Variants in SSTR4 observed in about 807,000 individuals in gnomAD.
SSTR4 encodes the protein somatostatin receptor 4.
For missense variants in SSTR4, 649 were observed against 540.6 expected (o/e 1.20, Z -1.99); for synonymous variants, 272 against 246.3 (o/e 1.10, Z -0.98).
rs759002787 is a variant in SSTR4, at chr20:23,036,323, G to C, written c.840G>C (p.Leu280=). The part of the protein sequence containing the change: ...LCWMPFYVVQ[L]LNLFVTSLDA... ...GGATGCCTTTCTACGTGGTGCAGCT[G>C]CTGAACCTCTTCGTGACCAGCCTTG... is the stretch of plus-strand genomic sequence containing the variant. Residue 280 remains leucine (L), a synonymous_variant, in exon 1 of 1, where the codon CTG becomes CTC. Transcript: ENST00000255008. The C allele has an allele frequency of 6.2e-7, 1 of 1,614,154 alleles. No individual in the cohort carries two copies. Among genetic ancestry groups the C allele is most frequent in the South Asian group, 1.1e-5 (1 of 91,090 alleles).
chr20:23,036,504 G>T lies in SSTR4; in HGVS notation c.1021G>T (p.Glu341Ter), dbSNP rs781186901. Residue 341 changes from glutamate to a stop codon, truncating the protein, a stop_gained, in exon 1 of 1, where the codon GAG (glutamate) becomes TAG (stop). Transcript: ENST00000255008. LOFTEE classifies it low-confidence loss of function (END_TRUNC). ...CLLEGAGGAE[E>*]EPLDYYATAL... ...CCTGGAAGGTGCTGGAGGTGCTGAG[G>T]AGGAGCCCCTGGACTACTATGCCAC... 6.2e-7 allele frequency: 1 copy of T among 1,613,960 alleles called. No individual in the cohort carries two copies. The highest frequency in any genetic ancestry group is 2.2e-5 in the East Asian group (1 of 44,876).
At position 23,036,561 on chromosome 20, in the gene SSTR4, A is replaced by T; in HGVS notation, c.1078A>T (p.Met360Leu). 1 of 1,610,614 alleles carries T rather than the reference A, an allele frequency of 6.2e-7. No homozygotes were observed. The change falls in exon 1 of 1, where the codon ATG (methionine) becomes TTG (leucine). Residue 360 changes from methionine to leucine, a missense_variant. Physicochemically the swap from Met to Leu is conservative, Grantham distance 15 (BLOSUM62 2). Transcript: ENST00000255008. Reference protein sequence around the residue: ...ALKSKGGAGCMCPPLPCQQEA... With the variant: ...ALKSKGGAGCLCPPLPCQQEA... ...CAAGAGCAAAGGTGGGGCAGGGTGC[A>T]TGTGCCCCCCACTCCCCTGCCAGCA... is the stretch of plus-strand genomic sequence containing the variant.
Position 23,037,907 on chromosome 20 carries a change from G to A in SSTR4, c.*1257G>A, listed in dbSNP as rs1018290852. On this transcript the variant is annotated 3_prime_UTR_variant, in exon 1 of 1. Coordinates refer to ENST00000255008, the MANE Select transcript of SSTR4 (RefSeq NM_001052.4). ...TATGGGGAAGATGGTGTGGGGAGGG[G>A]GAGAGACAGCCAAAGGTCAACACCC... is the stretch of plus-strand genomic sequence containing the variant. Among the ~76,000 whole-genome samples the A allele has an allele frequency of 6.6e-6, 1 of 152,116 alleles. No individual in the cohort carries two copies. Among genetic ancestry groups the A allele is most frequent in the Non-Finnish European group, 1.5e-5 (1 of 68,024 alleles).
At position 23,036,754 on chromosome 20, in the gene SSTR4, C is replaced by A; in HGVS notation, c.*104C>A. On this transcript the variant is annotated 3_prime_UTR_variant, in exon 1 of 1. Transcript: ENST00000255008. Reference sequence around the variant, plus strand: ...TCCTGAATGCTCACCTAAGCTCCACCACCTGTTCCTTCCAGCAGCCCATGT... The same window carrying A: ...TCCTGAATGCTCACCTAAGCTCCACAACCTGTTCCTTCCAGCAGCCCATGT... 7.6e-7 allele frequency: 1 copy of A among 1,315,460 alleles called. No individual in the cohort carries two copies. The highest frequency in any genetic ancestry group is 1.5e-5 in the South Asian group (1 of 68,706). 81.5% of individuals were successfully genotyped at this position (1,315,460 alleles called of 1,614,324 possible).
rs201559965 is a variant in SSTR4 at position 23,035,633 on chromosome 20, C to T, written c.150C>T (p.Ile50=). 4.4e-5 allele frequency: 68 copies of T among 1,544,758 alleles called. No individual in the cohort carries two copies. The highest frequency in any genetic ancestry group is 5.8e-5 in the Non-Finnish European group (67 of 1,148,820). Residue 50 remains isoleucine (I), a synonymous_variant, in exon 1 of 1, where the codon ATC becomes ATT. Coordinates refer to ENST00000255008, the MANE Select transcript of SSTR4 (RefSeq NM_001052.4). ...GDARAAGMVA[I]QCIYALVCLV... is the part of the protein sequence containing the mutation. ...CGCGGGCGGCGGGCATGGTCGCTAT[C>T]CAGTGCATCTACGCGCTGGTGTGCC...
In SSTR4 at chr20:23,035,648, G is replaced by C; in HGVS notation, c.165G>C (p.Ala55=). The C allele has an allele frequency of 6.5e-7, 1 of 1,540,314 alleles. No homozygotes were observed. The highest frequency in any genetic ancestry group is 8.7e-7 in the Non-Finnish European group (1 of 1,145,310). ...AGMVAIQCIY[A]LVCLVGLVGN... The stretch of plus-strand genomic sequence containing the variant: ...TGGTCGCTATCCAGTGCATCTACGC[G>C]CTGGTGTGCCTGGTGGGGCTGGTGG... Residue 55 remains alanine, a synonymous_variant, in exon 1 of 1, where the codon GCG becomes GCC. Coordinates refer to ENST00000255008, the MANE Select transcript of SSTR4 (RefSeq NM_001052.4).
chr20:23,036,059 C>T lies in SSTR4; in HGVS notation c.576C>T (p.Gly192=), dbSNP rs373361461. The change falls in exon 1 of 1, where the codon GGC becomes GGT. Residue 192 remains glycine, a synonymous_variant. Transcript: ENST00000255008. ...TCGCAGACACCAGACCGGCTCGCGG[C>T]GGCCAGGCCGTGGCCTGCAACCTGC... ...AIFADTRPAR[G]GQAVACNLQW... 51 of 1,579,060 alleles carry T rather than the reference C, an allele frequency of 3.2e-5. 1 individual carries two copies. In the African/African-American group the frequency reaches 4.3e-4, roughly 13 times the overall value.
rs1192079553 is a variant in SSTR4 at position 23,036,698 on chromosome 20, G to A, written c.*48G>A. ...TGCGTGGCCACCTCCCAAGGGGTGG[G>A]CACCATTCCTACAGCCCCGAAGACT... On this transcript the variant is annotated 3_prime_UTR_variant, in exon 1 of 1. Transcript: ENST00000255008. 6.6e-7 allele frequency: 1 copy of A among 1,507,572 alleles called. No homozygotes were observed. The highest frequency in any genetic ancestry group is 8.9e-7 in the Non-Finnish European group (1 of 1,125,702). The allele number at this position is 1,507,572 out of a possible 1,614,324, so 93.4% of individuals were successfully genotyped here.
At position 23,035,504 on chromosome 20, in the gene SSTR4, GC is replaced by G. The variant is rs1600403937; in HGVS notation, c.27del (p.Gly11AlafsTer61). 10 of 1,556,032 alleles carry G rather than the reference GC, an allele frequency of 6.4e-6. No individual in the cohort carries two copies. The highest frequency in any genetic ancestry group is 2.5e-5 in the East Asian group (1 of 39,748). On this transcript the variant is annotated frameshift_variant, in exon 1 of 1. Coordinates refer to ENST00000255008, the MANE Select transcript of SSTR4 (RefSeq NM_001052.4). LOFTEE classifies it low-confidence loss of function (END_TRUNC). ...TGGTCATGAGCGCCCCCTCGACGCTGCCCCCCGGGGGCGAGGAAGGGCTGGG... is the reference window on the plus strand; with the variant it reads ...TGGTCATGAGCGCCCCCTCGACGCTGCCCCCGGGGGCGAGGAAGGGCTGGG... The part of the protein sequence containing the change: MSAPSTL[P>X]PGGEEGLGTA...
chr20:23,035,910 G>A lies in SSTR4; in HGVS notation c.427G>A (p.Asp143Asn), dbSNP rs1193930779. 14 of 1,612,922 alleles carry A rather than the reference G, an allele frequency of 8.7e-6. No individual in the cohort carries two copies. Among genetic ancestry groups the A allele is most frequent in the African/African-American group, 1.3e-5 (1 of 74,928 alleles). The change falls in exon 1 of 1, where the codon GAC (aspartate) becomes AAC (asparagine). Residue 143 changes from aspartate (D) to asparagine (N), a missense_variant. By Grantham distance (23) the Asp-to-Asn change is conservative. Transcript: ENST00000255008. ...SVFCLTVLSV[D>N]RYVAVVHPLR... ...CTTCTGTCTCACCGTGCTCAGCGTG[G>A]ACCGCTACGTGGCCGTGGTGCACCC...
rs1568662548 is a variant in SSTR4, at chr20:23,037,338, C to G, written c.*688C>G. The stretch of plus-strand genomic sequence containing the variant: ...AGGCATAAAACCAGGTCAGTAATAA[C>G]AAAGCAGATGATAAAAACTTCATCT... On this transcript the variant is annotated 3_prime_UTR_variant, in exon 1 of 1. Transcript: ENST00000255008. 1 of 152,158 alleles carries G rather than the reference C, an allele frequency of 6.6e-6. No individual in the cohort carries two copies. The highest frequency in any genetic ancestry group is 1.5e-5 in the Non-Finnish European group (1 of 68,050). 9.4% of individuals were successfully genotyped at this position (152,158 alleles called of 1,614,324 possible). A position where few individuals can be genotyped will look rare whatever the true frequency, so the allele number is the denominator to read the frequency against.
Position 23,035,601 on chromosome 20 carries a change from G to A in SSTR4, c.118G>A (p.Gly40Arg), listed in dbSNP as rs761854135. 2 of 1,550,322 alleles carry A rather than the reference G, an allele frequency of 1.3e-6. No homozygotes were observed. Among genetic ancestry groups the A allele is most frequent in the South Asian group, 2.5e-5 (2 of 80,478 alleles). ...AEAEEAVAGP[G>R]DARAAGMVAI... ...GGCGGAGGAGGCGGTGGCGGGGCCC[G>A]GGGACGCGCGGGCGGCGGGCATGGT... The change falls in exon 1 of 1, where the codon GGG becomes AGG. Residue 40 changes from glycine (G) to arginine (R), a missense_variant. Physicochemically the swap from Gly to Arg is moderately radical, Grantham distance 125. Coordinates refer to ENST00000255008, the MANE Select transcript of SSTR4 (RefSeq NM_001052.4).
rs201118880 is a variant in SSTR4, at chr20:23,035,704, G to T, written c.221G>T (p.Arg74Leu). ...GNALVIFVIL[R>L]YAKMKTATNI... ...GCCCTGGTCATCTTCGTGATCCTTC[G>T]CTACGCCAAGATGAAGACGGCTACC... The change falls in exon 1 of 1, where the codon CGC becomes CTC. Residue 74 changes from arginine to leucine, a missense_variant. Arg to Leu is a moderately radical substitution (Grantham distance 102, BLOSUM62 -2). Transcript: ENST00000255008. 7 of 1,557,008 alleles carry T rather than the reference G, an allele frequency of 4.5e-6. No homozygotes were observed. In the Admixed American group the frequency reaches 7.7e-5, roughly 17 times the overall value.
Position 23,036,304 on chromosome 20 carries a change from C to CTT in SSTR4, c.823_824dup (p.Tyr276SerfsTer7). ...GTCGTCTTTGTGCTCTGCTGGATGCCTTTCTACGTGGTGCAGCTGCTGAAC... is the reference window on the plus strand; with the variant it reads ...GTCGTCTTTGTGCTCTGCTGGATGCCTTTTTCTACGTGGTGCAGCTGCTGAAC... On this transcript the variant is annotated frameshift_variant, in exon 1 of 1. Coordinates refer to ENST00000255008, the MANE Select transcript of SSTR4 (RefSeq NM_001052.4). LOFTEE classifies it low-confidence loss of function (END_TRUNC). The CTT allele has an allele frequency of 6.2e-7, 1 of 1,614,156 alleles. No homozygotes were observed. Among genetic ancestry groups the CTT allele is most frequent in the Non-Finnish European group, 8.5e-7 (1 of 1,180,018 alleles).
rs1331068276 is a variant in SSTR4, at chr20:23,036,447, T to C, written c.964T>C (p.Phe322Leu). ...CCTCTCCGACAACTTCCGCCGATTC[T>C]TCCAGCGGGTTCTCTGCCTGCGCTG... The part of the protein sequence containing the change: ...GFLSDNFRRF[F>L]QRVLCLRCCL... The change falls in exon 1 of 1, where the codon TTC becomes CTC. Residue 322 changes from phenylalanine to leucine, a missense_variant. Phe to Leu is a conservative substitution (Grantham distance 22). Coordinates refer to ENST00000255008, the MANE Select transcript of SSTR4 (RefSeq NM_001052.4). 9 of 1,613,776 alleles carry C rather than the reference T, an allele frequency of 5.6e-6. No homozygotes were observed. Among genetic ancestry groups the C allele is most frequent in the South Asian group, 3.3e-5 (3 of 91,018 alleles).
Position 23,035,374 on chromosome 20 carries a change from G to A in SSTR4, c.-110G>A, listed in dbSNP as rs946520022. 1.2e-6 allele frequency: 1 copy of A among 854,394 alleles called. No homozygotes were observed. Among genetic ancestry groups the A allele is most frequent in the Non-Finnish European group, 1.5e-6 (1 of 650,108 alleles). The allele number at this position is 854,394 out of a possible 1,614,324, so 52.9% of individuals were successfully genotyped here. A position where few individuals can be genotyped will look rare whatever the true frequency, so the allele number is the denominator to read the frequency against. On this transcript the variant is annotated 5_prime_UTR_variant, in exon 1 of 1. Transcript: ENST00000255008. ...GCCCGCAGCTCTTCAGCGTAGCCGG[G>A]AAGAGCCGCGCGTCTGCGCGCCAGC... is the stretch of plus-strand genomic sequence containing the variant.
rs760089725 is a variant in SSTR4 at position 23,038,086 on chromosome 20, G to C, written c.*1436G>C. ...GCAAACACACATGCACACACACAGA[G>C]ACATCAACCATCTCTAATTTGTTGG... On this transcript the variant is annotated 3_prime_UTR_variant, in exon 1 of 1. Transcript: ENST00000255008. The C allele has an allele frequency of 6.6e-6, 1 of 152,236 alleles. No individual in the cohort carries two copies. The highest frequency in any genetic ancestry group is 2.4e-5 in the African/African-American group (1 of 41,456). 9.4% of individuals were successfully genotyped at this position (152,236 alleles called of 1,614,324 possible). A position where few individuals can be genotyped will look rare whatever the true frequency, so the allele number is the denominator to read the frequency against.
Position 23,036,316 on chromosome 20 carries a change from T to C in SSTR4, c.833T>C (p.Val278Ala). 6.2e-7 allele frequency: 1 copy of C among 1,614,156 alleles called. No individual in the cohort carries two copies. Among genetic ancestry groups the C allele is most frequent in the Non-Finnish European group, 8.5e-7 (1 of 1,180,012 alleles). ...FVLCWMPFYV[V>A]QLLNLFVTSL... Reference sequence around the variant, plus strand: ...CTCTGCTGGATGCCTTTCTACGTGGTGCAGCTGCTGAACCTCTTCGTGACC... The same window carrying C: ...CTCTGCTGGATGCCTTTCTACGTGGCGCAGCTGCTGAACCTCTTCGTGACC... The change falls in exon 1 of 1, where the codon GTG (valine) becomes GCG (alanine). Residue 278 changes from valine (V) to alanine (A), a missense_variant. By Grantham distance (64) the Val-to-Ala change is moderately conservative. Coordinates refer to ENST00000255008, the MANE Select transcript of SSTR4 (RefSeq NM_001052.4).
Position 23,035,510 on chromosome 20 carries a change from C to A in SSTR4, c.27C>A (p.Pro9=), listed in dbSNP as rs1984275205. ...TGAGCGCCCCCTCGACGCTGCCCCC[C>A]GGGGGCGAGGAAGGGCTGGGGACGG... MSAPSTLP[P]GGEEGLGTAW... Residue 9 remains proline (P), a synonymous_variant, in exon 1 of 1, where the codon CCC becomes CCA. Coordinates refer to ENST00000255008, the MANE Select transcript of SSTR4 (RefSeq NM_001052.4). 3 of 1,565,826 alleles carry A rather than the reference C, an allele frequency of 1.9e-6. No individual in the cohort carries two copies. In the East Asian group the frequency reaches 7.4e-5, roughly 39 times the overall value.
Sources: gnomAD v4.1 joint callset for allele counts (sites outside exome capture counted in the v4.1 genomes callset) on GRCh38, gnomAD v4.1.1 for gene constraint, MANE v1.5 for transcripts, NCBI Gene and HGNC (gene_info 2026-07-23, HGNC 2026-07-21) for gene names.